The following UBE2V2 variants were observed in gnomAD, a reference collection of about 807,000 sequenced individuals.
UBE2V2 encodes ubiquitin-conjugating enzyme E2 variant 2.
A neutral mutation model predicts 17.2 loss-of-function variants in UBE2V2; 9 were observed. The ratio of observed to expected loss-of-function variants is 0.52; its 90% CI spans 0.32 to 0.91. UBE2V2 has a LOEUF of 0.91. Among genes scored for constraint, UBE2V2 ranks in the 40% least tolerant of loss-of-function variants. UBE2V2 has a pLI of 0.04. For synonymous variants in UBE2V2, 61 were observed against 57.5 expected, an observed-to-expected ratio of 1.06 and a Z score of -0.28; for missense variants, 133 against 182.6, an observed-to-expected ratio of 0.73 and a Z score of 1.56.
At chr8:47,997,464 C>T in the UBE2V2 span, among the ~76,000 whole-genome samples, 3 of 152,078 alleles carry the variant, frequency 2.0e-5, no homozygotes, top group Middle Eastern at 3.4e-3. Context: ...GGAAGTCATC[C>T]GCATGGGCCT....
At chr8:48,047,504 CCT>C (rs1237442226) in intron 2 of UBE2V2, among the ~76,000 whole-genome samples, 3 of 152,020 alleles carry the variant, frequency 2.0e-5, no homozygotes, top group Non-Finnish European at 2.9e-5. Flanking sequence ...TTGTTTTTCT[CCT>C]CTTTTTTTTG....
intron 1 of UBE2V2, chr8:48,035,183 T>C: frequency 1.1e-6 from 1 of 933,138 alleles, no homozygotes; most frequent in Non-Finnish European, 1.3e-6. Flanking sequence ...TGGCACAATC[T>C]CAGCTCACTG....
At chr8:48,055,845 G>C (rs2091568201) in intron 3 of UBE2V2, among the ~76,000 whole-genome samples, 1 of 149,752 alleles carries the variant, frequency 6.7e-6, no homozygotes, top group Non-Finnish European at 1.5e-5. Context: ...TGCAAGCTCT[G>C]CCTCCTGGGT....
At chr8:48,032,047 T>G (rs902302979) in intron 1 of UBE2V2, among the ~76,000 whole-genome samples, 1 of 152,224 alleles carries the variant, frequency 6.6e-6, no homozygotes, top group Non-Finnish European at 1.5e-5. Context: ...GTGTTTAAAT[T>G]TTTTAAAATT....
chr8:48,056,834 G>A lies in UBE2V2; in HGVS notation c.292-3848G>A, dbSNP rs551631244. 3.9e-5 allele frequency among the ~76,000 whole-genome samples: 6 copies of A among 152,102 alleles called. No individual in the cohort carries two copies. The South Asian group carries it at 1.0e-3, about 26-fold the overall frequency. On this transcript the variant is annotated intron_variant, in intron 3 of 3. Transcript: ENST00000523111. ...CACCTCCTGGACTCAAGCAGTTCTC[G>A]TGCCTCAGCCTCCCAAGTAGCTGGG...
At chr8:48,048,557 A>G (rs1387315454) in intron 2 of UBE2V2, among the ~76,000 whole-genome samples, 1 of 152,186 alleles carries the variant, frequency 6.6e-6, no homozygotes, top group Non-Finnish European at 1.5e-5. Flanking sequence ...GATTTTAGTC[A>G]TTTTTATATA....
At chr8:48,028,513 T>G (rs1051867729) in intron 1 of UBE2V2, among the ~76,000 whole-genome samples, 4 of 152,104 alleles carry the variant, frequency 2.6e-5, no homozygotes, top group African/African-American at 9.7e-5. Flanking sequence ...GAATTTTGTA[T>G]TTTTATTAGA....
At chr8:48,025,436 A>AT (rs760896948) in intron 1 of UBE2V2, among the ~76,000 whole-genome samples, 2,033 of 140,470 alleles carry the variant, frequency 0.014, 28 homozygotes, top group Admixed American at 0.028. Context: ...GCTGATTATT[A>AT]TTATTTTTTT....
chr8:48,023,103 G>A (rs980775007), intron 1 of UBE2V2, among the ~76,000 whole-genome samples: 3 of 152,066 alleles, frequency 2.0e-5, no homozygotes, highest in African/African-American at 7.2e-5. Flanking sequence ...GTTATAACAT[G>A]TCTTGGAGTA....
chr8:48,001,543 G>A, the UBE2V2 span, among the ~76,000 whole-genome samples: 1 of 152,136 alleles, frequency 6.6e-6, no homozygotes, highest in African/African-American at 2.4e-5. Context: ...GGGCTGCAGT[G>A]AGCTGTGATG....
upstream of UBE2V2, among the ~76,000 whole-genome samples, chr8:48,007,072 T>C (rs937332414): frequency 6.6e-6 from 1 of 151,374 alleles, no homozygotes; most frequent in African/African-American, 2.4e-5. Context: ...TTTTTTTTAG[T>C]AGAGACAGGG....
At chr8:48,051,108 A>G (rs2091533702) in intron 3 of UBE2V2, among the ~76,000 whole-genome samples, 1 of 152,220 alleles carries the variant, frequency 6.6e-6, no homozygotes, top group South Asian at 2.1e-4. Context: ...TGGCCTCCCA[A>G]AGTGCTGGGA....
chr8:48,034,554 A>G (rs1237704112), intron 1 of UBE2V2, among the ~76,000 whole-genome samples: 1 of 151,792 alleles, frequency 6.6e-6, no homozygotes, highest in African/African-American at 2.4e-5. Flanking sequence ...ATGTGCTGCT[A>G]TTAGGTCTCC....
At chr8:48,018,088 C>T (rs183546131) in intron 1 of UBE2V2, among the ~76,000 whole-genome samples, 10 of 152,220 alleles carry the variant, frequency 6.6e-5, no homozygotes, top group Admixed American at 1.3e-4. Flanking sequence ...CCACACGCCT[C>T]GGCCTCCCAA....
At chr8:48,059,556 G>A (rs1051470577) in intron 3 of UBE2V2, among the ~76,000 whole-genome samples, 6 of 151,894 alleles carry the variant, frequency 4.0e-5, no homozygotes, top group African/African-American at 9.7e-5. Context: ...GTACAGGCAC[G>A]TGCCACCACA....
chr8:48,000,351 A>C, the UBE2V2 span, among the ~76,000 whole-genome samples: 1 of 152,204 alleles, frequency 6.6e-6, no homozygotes, highest in Non-Finnish European at 1.5e-5. Context: ...AATACTCCTA[A>C]GTAAAATCCA....
At chr8:47,997,697 C>A in the UBE2V2 span, among the ~76,000 whole-genome samples, 2 of 152,056 alleles carry the variant, frequency 1.3e-5, no homozygotes, top group African/African-American at 4.8e-5. Flanking sequence ...GCCCCTGCCA[C>A]TTCCCGGAGA....
chr8:48,011,576 C>CTA (rs2091231898), intron 1 of UBE2V2, among the ~76,000 whole-genome samples: 2 of 152,216 alleles, frequency 1.3e-5, no homozygotes, highest in Non-Finnish European at 2.9e-5. Flanking sequence ...ATCTTTAGTT[C>CTA]AGTGTGCATC....
At chr8:48,038,072 C>T (rs758948224) in intron 1 of UBE2V2, among the ~76,000 whole-genome samples, 13 of 152,282 alleles carry the variant, frequency 8.5e-5, no homozygotes, top group South Asian at 2.1e-4. Context: ...GTCCTCCCCA[C>T]GCCTTTTTTG....
Sources: gnomAD v4.1 joint callset for allele counts (sites outside exome capture counted in the v4.1 genomes callset) on GRCh38, gnomAD v4.1.1 for gene constraint, MANE v1.5 for transcripts, NCBI Gene and HGNC (gene_info 2026-07-23, HGNC 2026-07-21) for gene names.